The following URB1 variants were observed in gnomAD, a reference collection of about 807,000 sequenced individuals.
The protein encoded by URB1 is nucleolar pre-ribosomal-associated protein 1.
URB1 carries 197 observed loss-of-function variants against 242.3 expected under a neutral mutation model. The ratio of observed to expected loss-of-function variants is 0.81; its 90% confidence interval spans 0.72 to 0.91. The LOEUF is 0.91. Ranked by LOEUF, URB1 falls within the 40% of genes least tolerant of loss-of-function variation. The pLI, the probability that URB1 is intolerant of heterozygous loss-of-function variation, is 0.00. For synonymous variants in URB1, 1,153 were observed against 1,201.8 expected (o/e 0.96, Z 0.84); for missense variants, 2,721 against 2,860.5 (o/e 0.95, Z 1.11).
chr21:32,351,758 G>A (rs1215101205), intron 19 of URB1, among the ~76,000 whole-genome samples: 3 of 152,184 alleles, frequency 2.0e-5, no homozygotes, highest in Admixed American at 6.5e-5. Context: ...CGAGGGGCAG[G>A]ACAGAACCTC....
intron 12 of URB1, 83 bp from the exon 13 acceptor site, chr21:32,361,206 A>AGAAAGAAAGAAAGAAAGAAC: frequency 1.1e-6 from 1 of 946,650 alleles, no homozygotes; most frequent in Non-Finnish European, 1.5e-6. Flanking sequence ...AAAGAAAGAA[A>AGAAAGAAAGAAAGAAAGAAC]ATAGCTTGAA....
rs532173444 is a variant in URB1, at chr21:32,388,907, G to A, written c.143-3223C>T. On this transcript the variant is annotated intron_variant, in intron 1 of 38. Coordinates refer to ENST00000382751, the MANE Select transcript of URB1 (RefSeq NM_014825.3). ...TGGGCACCTACCAGGTGCACCTACA[G>A]GGGGTGCCCGAGACGTGCTGATGAG... Among the ~76,000 whole-genome samples the A allele has an allele frequency of 1.5e-3, 224 of 152,320 alleles. 2 individuals are homozygous for A. The highest frequency in any genetic ancestry group is 1.2e-3 in the Non-Finnish European group (81 of 68,028).
At chr21:32,324,456 T>G in intron 32 of URB1, 35 bp downstream of exon 32, 2 of 1,516,152 alleles carry the variant, frequency 1.3e-6, no homozygotes, top group Non-Finnish European at 1.8e-6. Context: ...CTTCAGCTTT[T>G]CAATTTCCCC....
rs531809927 is a variant in URB1 at position 32,314,998 on chromosome 21, C to T, written c.6736G>A (p.Ala2246Thr). ...LTHVRMVCEAADDAPSSEEEA... is the reference protein window; with the variant it reads ...LTHVRMVCEATDDAPSSEEEA... Reference sequence around the variant, plus strand: ...TCTTCACTGCTCGGGGCATCATCTGCGGCCTCACACACCATCCGGACGTGG... The same window carrying T: ...TCTTCACTGCTCGGGGCATCATCTGTGGCCTCACACACCATCCGGACGTGG... Residue 2246 changes from alanine to threonine, a missense_variant, in exon 39 of 39, where the codon GCA becomes ACA. By Grantham distance (58) the Ala-to-Thr change is moderately conservative. Transcript: ENST00000382751. The T allele has an allele frequency of 5.3e-5, 82 of 1,551,670 alleles. No homozygotes were observed. In the East Asian group the frequency reaches 7.3e-4, roughly 14 times the overall value.
intron 22 of URB1, among the ~76,000 whole-genome samples, chr21:32,346,456 T>C (rs2033087107): frequency 6.6e-6 from 1 of 152,198 alleles, no homozygotes; most frequent in Non-Finnish European, 1.5e-5. Flanking sequence ...AAATCACCCA[T>C]GCATTCAACA....
intron 1 of URB1, among the ~76,000 whole-genome samples, chr21:32,385,961 G>A (rs976403081): frequency 2.1e-4 from 32 of 152,078 alleles, no homozygotes; most frequent in African/African-American, 7.7e-4. Flanking sequence ...AGACCAGCCT[G>A]GCCAACATGG....
In URB1 at chr21:32,355,021, A is replaced by G. The variant is rs1197598786; in HGVS notation, c.2107-24T>C. On this transcript the variant is annotated intron_variant, in intron 16 of 38. Coordinates refer to ENST00000382751, the MANE Select transcript of URB1 (RefSeq NM_014825.3). ...ATCTGGGCATTAAAGAGCCAAATAG[A>G]AAGCATTCAGATGGTCACAGGTGAA... The G allele has an allele frequency of 2.6e-6, 4 of 1,539,594 alleles. No homozygotes were observed. In the African/African-American group the frequency reaches 4.1e-5, roughly 16 times the overall value.
rs905643271 is a variant in URB1 at position 32,312,058 on chromosome 21, C to T, written c.*2860G>A. 92 of 1,607,954 alleles carry T rather than the reference C, an allele frequency of 5.7e-5. No homozygotes were observed. In the African/African-American group the frequency reaches 7.1e-4, roughly 12 times the overall value. On this transcript the variant is annotated 3_prime_UTR_variant, in exon 39 of 39. Coordinates refer to ENST00000382751, the MANE Select transcript of URB1 (RefSeq NM_014825.3). ...GAAATCAAGCCAACCTGGACACATA[C>T]GTTCCTCGTTCTTCTTAGAGGCCAT...
rs1482418334 is a variant in URB1 at position 32,392,981 on chromosome 21, G to A, written c.-71C>T. 2 of 1,415,906 alleles carry A rather than the reference G, an allele frequency of 1.4e-6. No individual in the cohort carries two copies. The highest frequency in any genetic ancestry group is 1.5e-5 in the South Asian group (1 of 67,536). 87.7% of individuals were successfully genotyped at this position (1,415,906 alleles called of 1,614,324 possible). On this transcript the variant is annotated 5_prime_UTR_variant, in exon 1 of 39. Coordinates refer to ENST00000382751, the MANE Select transcript of URB1 (RefSeq NM_014825.3). Reference sequence around the variant, plus strand: ...CCCGGCAGGAGCACTGGCACAGACAGCAGACACGCGCTTCAGGCCCACATG... The same window carrying A: ...CCCGGCAGGAGCACTGGCACAGACAACAGACACGCGCTTCAGGCCCACATG...
intron 1 of URB1, among the ~76,000 whole-genome samples, chr21:32,387,511 G>A (rs184758050): frequency 6.6e-6 from 1 of 152,030 alleles, no homozygotes; most frequent in East Asian, 1.9e-4. Context: ...CATGGCAGTG[G>A]GTTGGAAGCC....
chr21:32,392,858 G>A lies in URB1; in HGVS notation c.53C>T (p.Ser18Phe). Residue 18 changes from serine (S) to phenylalanine (F), a missense_variant, in exon 1 of 39, where the codon TCC becomes TTC. Transcript: ENST00000382751. Reference sequence around the variant, plus strand: ...GCGGGCGCGCTTGGCTGCACCCGCGGAGGAAGCCGCGCCGTCCTGGCCGCC... The same window carrying A: ...GCGGGCGCGCTTGGCTGCACCCGCGAAGGAAGCCGCGCCGTCCTGGCCGCC... ...ASGGQDGAASSAGAAKRARKE... is the reference protein window; with the variant it reads ...ASGGQDGAASFAGAAKRARKE... The A allele has an allele frequency of 6.5e-7, 1 of 1,533,506 alleles. No homozygotes were observed. 95.0% of individuals were successfully genotyped at this position (1,533,506 alleles called of 1,614,324 possible).
intron 11 of URB1, among the ~76,000 whole-genome samples, chr21:32,362,528 T>C (rs1473488487): frequency 6.6e-6 from 1 of 152,222 alleles, no homozygotes; most frequent in Non-Finnish European, 1.5e-5. Flanking sequence ...GTATAATTTC[T>C]AGAACTATAC....
chr21:32,353,672 A>G lies in URB1; in HGVS notation c.2416+261T>C, dbSNP rs184337113. Among the ~76,000 whole-genome samples, 61 of 152,326 alleles carry G rather than the reference A, an allele frequency of 4.0e-4. No individual in the cohort carries two copies. In the East Asian group the frequency reaches 7.0e-3, roughly 17 times the overall value. On this transcript the variant is annotated intron_variant, in intron 18 of 38. Transcript: ENST00000382751. ...TGACGAAAAAACATCAACGTTACAG[A>G]GGCTGTCTGGGCAGCCAGGCAAACA... is the stretch of plus-strand genomic sequence containing the variant.
chr21:32,318,045 T>C, intron 36 of URB1, 128 bp from the exon 37 acceptor site: 1 of 1,273,200 alleles, frequency 7.9e-7, no homozygotes, highest in African/African-American at 1.5e-5. Context: ...CAGGTTTTCC[T>C]GCACAGCAGA....
At chr21:32,383,896 C>G (rs1291739206) in intron 3 of URB1, among the ~76,000 whole-genome samples, 5 of 152,216 alleles carry the variant, frequency 3.3e-5, no homozygotes, top group Non-Finnish European at 5.9e-5. Flanking sequence ...AAAGGCATCT[C>G]TGAATGCGAG....
chr21:32,336,117 G>A (rs1258770921), intron 28 of URB1, among the ~76,000 whole-genome samples: 3 of 152,132 alleles, frequency 2.0e-5, no homozygotes, highest in Non-Finnish European at 2.9e-5. Flanking sequence ...CAGCTCCGAC[G>A]TCAAAAGAGC....
intron 15 of URB1, among the ~76,000 whole-genome samples, chr21:32,355,951 G>A (rs1019238250): frequency 1.3e-5 from 2 of 152,336 alleles, no homozygotes; most frequent in Non-Finnish European, 1.5e-5. Flanking sequence ...CAGTTTCATT[G>A]TGCTCCAGCA....
At chr21:32,372,111 A>G (rs566706019) in intron 8 of URB1, among the ~76,000 whole-genome samples, 3 of 152,268 alleles carry the variant, frequency 2.0e-5, no homozygotes. Context: ...ACCTCTCTAG[A>G]ACTACTTTCT....
chr21:32,318,507 C>T (rs746668835), intron 36 of URB1, among the ~76,000 whole-genome samples: 73 of 152,378 alleles, frequency 4.8e-4, no homozygotes, highest in Middle Eastern at 3.4e-3. Flanking sequence ...CTATCCAGCA[C>T]GGACTTAACA....
Sources: allele counts gnomAD v4.1 joint callset (sites outside exome capture counted in the v4.1 genomes callset), GRCh38; gene constraint gnomAD v4.1.1; transcripts MANE v1.5; gene names NCBI Gene and HGNC (gene_info 2026-07-23, HGNC 2026-07-21).